The following P2RY14 variants were observed in gnomAD, a reference collection of about 807,000 sequenced individuals.
The protein encoded by P2RY14 is purinergic receptor P2Y14.
P2RY14 carries 2 observed loss-of-function variants against 0.9 expected under a neutral mutation model. The observed-to-expected ratio is 2.16, with a 90% CI of 0.88 to 6.79. The LOEUF (loss-of-function observed/expected upper bound fraction) is 6.79, where lower values mean the gene tolerates loss of function less well. Among genes scored for constraint, P2RY14 ranks in the 30% most tolerant of loss-of-function variants. The probability of loss-of-function intolerance (pLI) is 0.05; values close to 1 mark genes in which losing one functional copy is unlikely to be tolerated. For synonymous variants in P2RY14, 158 were observed against 147.2 expected (o/e 1.07, Z -0.53); for missense variants, 378 against 400.1 (o/e 0.94, Z 0.47).
chr3:151,250,871 T>TAC (rs1736721129), intron 1 of P2RY14, among the ~76,000 whole-genome samples: 2 of 152,222 alleles, frequency 1.3e-5, no homozygotes, highest in African/African-American at 4.8e-5. Flanking sequence ...TGAACCATCT[T>TAC]ACGTTCCCAC....
intron 1 of P2RY14, chr3:151,269,410 C>CACACACACAT (rs1740450644): frequency 8.4e-6 from 1 of 119,394 alleles, no homozygotes; most frequent in African/African-American, 2.7e-5. Context: ...CACACACACA[C>CACACACACAT]ACACACACAC....
intron 1 of P2RY14, among the ~76,000 whole-genome samples, chr3:151,266,089 TTTCCCCTTTCAG>T (rs1421370631): frequency 2.0e-5 from 3 of 152,208 alleles, no homozygotes; most frequent in African/African-American, 7.2e-5. Context: ...TGCTGCCATC[TTTCCCCTTTCAG>T]TTCCCCTTTC....
chr3:151,259,976 A>G (rs889367513), intron 1 of P2RY14, among the ~76,000 whole-genome samples: 1 of 152,194 alleles, frequency 6.6e-6, no homozygotes, highest in African/African-American at 2.4e-5. Context: ...TATTTTCTTC[A>G]TGTGATACAT....
chr3:151,249,484 G>C (rs563437659), intron 1 of P2RY14, among the ~76,000 whole-genome samples: 3 of 152,218 alleles, frequency 2.0e-5, no homozygotes, highest in South Asian at 2.1e-4. Context: ...GTCTTGATTG[G>C]TGCAGGGCAA....
chr3:151,231,868 T>A lies in P2RY14; in HGVS notation c.-132-12226A>T, dbSNP rs530861804. ...GTATTTAGAAGGGAAGGGTCATGAT[T>A]ACCTGCAACTTATTTTGAAAGTACT... is the stretch of plus-strand genomic sequence containing the variant. On this transcript the variant is annotated intron_variant, in intron 1 of 2. Coordinates refer to ENST00000309170, the MANE Select transcript of P2RY14 (RefSeq NM_014879.4). Among the ~76,000 whole-genome samples the A allele has an allele frequency of 5.3e-5, 8 of 152,338 alleles. No individual in the cohort carries two copies. In the South Asian group the frequency reaches 1.7e-3, roughly 32 times the overall value.
chr3:151,245,548 G>A (rs1297934410), intron 1 of P2RY14, among the ~76,000 whole-genome samples: 12 of 149,238 alleles, frequency 8.0e-5, no homozygotes, highest in African/African-American at 2.2e-4. Context: ...ATGCAGAAAA[G>A]GCCTTTGACA....
chr3:151,244,262 C>A (rs1332577664), intron 1 of P2RY14, among the ~76,000 whole-genome samples: 79 of 131,322 alleles, frequency 6.0e-4, no homozygotes, highest in Middle Eastern at 3.8e-3. Context: ...CTGCACCAAG[C>A]GGACCTAATA....
chr3:151,229,451 C>G (rs1284642447), intron 1 of P2RY14, among the ~76,000 whole-genome samples: 1 of 148,948 alleles, frequency 6.7e-6, no homozygotes, highest in African/African-American at 2.5e-5. Context: ...GGACTACAGG[C>G]TCGTGCCACC....
At chr3:151,216,701 A>G (rs1728301556) in intron 2 of P2RY14, among the ~76,000 whole-genome samples, 1 of 152,166 alleles carries the variant, frequency 6.6e-6, no homozygotes. Context: ...GGCTCTGGGC[A>G]TGATGGGTTT....
intron 1 of P2RY14, among the ~76,000 whole-genome samples, chr3:151,252,133 A>T (rs747808870): frequency 2.0e-5 from 3 of 152,134 alleles, no homozygotes; most frequent in African/African-American, 7.2e-5. Flanking sequence ...CCTATGCAGG[A>T]TAAACTCACC....
chr3:151,219,035 C>A (rs891339652), intron 2 of P2RY14, among the ~76,000 whole-genome samples: 1 of 152,084 alleles, frequency 6.6e-6, no homozygotes, highest in African/African-American at 2.4e-5. Context: ...ACTTTGGAGA[C>A]TTTGGTAACA....
chr3:151,234,903 A>G (rs900574753), intron 1 of P2RY14, among the ~76,000 whole-genome samples: 1 of 152,202 alleles, frequency 6.6e-6, no homozygotes, highest in Admixed American at 6.5e-5. Context: ...TTTTACCTAT[A>G]ATAAGAATCT....
intron 1 of P2RY14, among the ~76,000 whole-genome samples, chr3:151,273,754 C>T (rs1335706459): frequency 6.6e-6 from 1 of 152,124 alleles, no homozygotes. Flanking sequence ...TGGCATTGTA[C>T]ACATAGGGAC....
At chr3:151,253,662 G>T (rs754750734) in intron 1 of P2RY14, among the ~76,000 whole-genome samples, 3 of 152,050 alleles carry the variant, frequency 2.0e-5, no homozygotes, top group Admixed American at 1.3e-4. Flanking sequence ...TTTGTGAGGG[G>T]GTGGGTGGGT....
intron 1 of P2RY14, among the ~76,000 whole-genome samples, chr3:151,263,539 A>T (rs1235096560): frequency 2.6e-5 from 4 of 152,228 alleles, no homozygotes; most frequent in Non-Finnish European, 5.9e-5. Flanking sequence ...TTTCCAAAAT[A>T]TCATGAGCTT....
intron 1 of P2RY14, among the ~76,000 whole-genome samples, chr3:151,222,836 T>C (rs1365029676): frequency 6.6e-6 from 1 of 152,194 alleles, no homozygotes; most frequent in African/African-American, 2.4e-5. Context: ...ATATTTTTGT[T>C]GTAGTCGGGA....
At chr3:151,274,098 G>A (rs1363920685) in intron 1 of P2RY14, among the ~76,000 whole-genome samples, 1 of 152,248 alleles carries the variant, frequency 6.6e-6, no homozygotes, top group Non-Finnish European at 1.5e-5. Context: ...AAGAAAATTG[G>A]TGCAGATATC....
At chr3:151,247,330 A>G (rs1272254736) in intron 1 of P2RY14, among the ~76,000 whole-genome samples, 1 of 152,138 alleles carries the variant, frequency 6.6e-6, no homozygotes, top group Non-Finnish European at 1.5e-5. Flanking sequence ...TTATTGTGGC[A>G]TTATTCACAA....
chr3:151,232,612 A>C (rs775298330), intron 1 of P2RY14, among the ~76,000 whole-genome samples: 1 of 152,262 alleles, frequency 6.6e-6, no homozygotes, highest in Non-Finnish European at 1.5e-5. Flanking sequence ...CAGCCATAAA[A>C]AAAGAATGAG....
Sources: allele counts gnomAD v4.1 joint callset (sites outside exome capture counted in the v4.1 genomes callset), GRCh38; gene constraint gnomAD v4.1.1; transcripts MANE v1.5; gene names NCBI Gene and HGNC (gene_info 2026-07-23, HGNC 2026-07-21).